CSMD1: variants seen among roughly 807,000 people sequenced by gnomAD.
CSMD1 encodes CUB and sushi domain-containing protein 1.
A neutral mutation model predicts 417.5 loss-of-function variants in CSMD1; 213 were observed. That is an observed-to-expected ratio of 0.51 (90% CI 0.46 to 0.57). The LOEUF (loss-of-function observed/expected upper bound fraction) is 0.57, where lower values mean the gene tolerates loss of function less well. Ranked by LOEUF, CSMD1 falls within the 20% of genes least tolerant of loss-of-function variation. The probability of loss-of-function intolerance (pLI) is 0.00; values close to 1 mark genes in which losing one functional copy is unlikely to be tolerated. For missense variants in CSMD1, 6,923 were observed against 4,529.7 expected, an observed-to-expected ratio of 1.53 and a Z score of -15.17; for synonymous variants, 2,862 against 1,736.8, an observed-to-expected ratio of 1.65 and a Z score of -16.11.
chr8:3,053,997 T>C (rs761547385), intron 49 of CSMD1, among the ~76,000 whole-genome samples: 19 of 152,164 alleles, frequency 1.2e-4, no homozygotes, highest in Non-Finnish European at 2.8e-4. Context: ...AAGAAATGTA[T>C]ATAAACACAT....
At chr8:4,160,168 G>C (rs888860732) in intron 3 of CSMD1, among the ~76,000 whole-genome samples, 1 of 151,722 alleles carries the variant, frequency 6.6e-6, no homozygotes, top group Non-Finnish European at 1.5e-5. Context: ...ATGATTTACT[G>C]ACTAAGACTT....
intron 2 of CSMD1, among the ~76,000 whole-genome samples, chr8:4,527,061 G>A (rs898146728): frequency 3.2e-4 from 49 of 152,220 alleles, no homozygotes; most frequent in African/African-American, 1.0e-3. Flanking sequence ...TTCTTTGTGT[G>A]TCTGGATCCA....
At chr8:3,821,153 G>A (rs964373590) in intron 5 of CSMD1, among the ~76,000 whole-genome samples, 6 of 152,026 alleles carry the variant, frequency 3.9e-5, no homozygotes, top group East Asian at 3.9e-4. Flanking sequence ...CCTGACCTCA[G>A]GTGATCCACC....
At chr8:4,967,840 T>A (rs886485797) in intron 1 of CSMD1, among the ~76,000 whole-genome samples, 1 of 152,158 alleles carries the variant, frequency 6.6e-6, no homozygotes, top group South Asian at 2.1e-4. Context: ...TTGTAACAGT[T>A]GAGATGACAA....
chr8:3,270,391 A>C (rs889431962), intron 26 of CSMD1, among the ~76,000 whole-genome samples: 3 of 152,108 alleles, frequency 2.0e-5, no homozygotes, highest in Non-Finnish European at 4.4e-5. Flanking sequence ...TTGCTGCCTC[A>C]AGATTATTTT....
At chr8:4,552,326 C>T (rs1250295749) in intron 2 of CSMD1, among the ~76,000 whole-genome samples, 1 of 152,100 alleles carries the variant, frequency 6.6e-6, no homozygotes, top group Admixed American at 6.6e-5. Flanking sequence ...ACACTCAAAT[C>T]TCACATTCTT....
chr8:4,800,571 C>T (rs1004943549), intron 1 of CSMD1, among the ~76,000 whole-genome samples: 2 of 152,150 alleles, frequency 1.3e-5, no homozygotes, highest in Non-Finnish European at 2.9e-5. Flanking sequence ...AGACCTCAGA[C>T]CGTCAGAGGC....
chr8:3,400,332 T>A (rs556313487), intron 15 of CSMD1, among the ~76,000 whole-genome samples: 1 of 152,174 alleles, frequency 6.6e-6, no homozygotes, highest in Non-Finnish European at 1.5e-5. Flanking sequence ...GATTTATAGA[T>A]ATCAAATAAA....
intron 5 of CSMD1, among the ~76,000 whole-genome samples, chr8:3,931,480 T>A (rs543230498): frequency 6.7e-6 from 1 of 150,230 alleles, no homozygotes; most frequent in African/African-American, 2.5e-5. Flanking sequence ...GATTGGAGCA[T>A]TTTTAAAAGG....
At chr8:4,923,160 A>G (rs987155369) in intron 1 of CSMD1, among the ~76,000 whole-genome samples, 1 of 152,198 alleles carries the variant, frequency 6.6e-6, no homozygotes, top group Non-Finnish European at 1.5e-5. Context: ...TAATACCATC[A>G]ATTTTTCAGT....
chr8:4,668,507 T>A (rs1220077791), intron 1 of CSMD1, among the ~76,000 whole-genome samples: 1 of 150,570 alleles, frequency 6.6e-6, no homozygotes, highest in Non-Finnish European at 1.5e-5. Context: ...TGGAGTGCAG[T>A]GGCACGATCT....
At chr8:3,675,245 T>A (rs150696359) in intron 7 of CSMD1, among the ~76,000 whole-genome samples, 1 of 152,170 alleles carries the variant, frequency 6.6e-6, no homozygotes, top group African/African-American at 2.4e-5. Context: ...TTGGTCTTCA[T>A]TGACCTGGCT....
chr8:3,226,533 G>C (rs942663783), intron 27 of CSMD1, among the ~76,000 whole-genome samples: 1 of 140,538 alleles, frequency 7.1e-6, no homozygotes, highest in South Asian at 2.2e-4. Flanking sequence ...AGTGAGCTGA[G>C]ATCACACCAC....
chr8:3,781,678 A>G (rs183253209), intron 5 of CSMD1, among the ~76,000 whole-genome samples: 204 of 152,298 alleles, frequency 1.3e-3, no homozygotes, highest in African/African-American at 4.5e-3. Flanking sequence ...CTAGGTTTCC[A>G]TCCTGGACTC....
intron 1 of CSMD1, among the ~76,000 whole-genome samples, chr8:4,731,917 A>G (rs1029776697): frequency 6.6e-6 from 1 of 152,162 alleles, no homozygotes; most frequent in Non-Finnish European, 1.5e-5. Context: ...ATAGGGCCAA[A>G]GATAAAAATA....
At chr8:3,744,337 G>A (rs963733611) in intron 6 of CSMD1, among the ~76,000 whole-genome samples, 1 of 152,106 alleles carries the variant, frequency 6.6e-6, no homozygotes, top group Non-Finnish European at 1.5e-5. Flanking sequence ...GTGATACCCT[G>A]TGGGCTTCCA....
At chr8:3,750,653 GT>G (rs1299678109) in intron 6 of CSMD1, among the ~76,000 whole-genome samples, 1 of 152,104 alleles carries the variant, frequency 6.6e-6, no homozygotes, top group East Asian at 1.9e-4. Flanking sequence ...CTGAACAAAT[GT>G]TTTCCCTGCT....
rs1208280445 is a variant in CSMD1, at chr8:4,294,166, G to T, written c.415+125787C>A. On this transcript the variant is annotated intron_variant, in intron 3 of 69. Coordinates refer to ENST00000635120, the MANE Select transcript of CSMD1 (RefSeq NM_033225.6). ...TAACCCCGACCAGCAGCCACTGTAA[G>T]ATGCCATCAGCAGCAACTACACCCC... 2.0e-5 allele frequency among the ~76,000 whole-genome samples: 3 copies of T among 152,286 alleles called. No individual in the cohort carries two copies. In the East Asian group the frequency reaches 5.8e-4, roughly 29 times the overall value.
intron 1 of CSMD1, among the ~76,000 whole-genome samples, chr8:4,857,558 G>A (rs183707380): frequency 3.3e-5 from 5 of 152,160 alleles, no homozygotes; most frequent in Non-Finnish European, 4.4e-5. Flanking sequence ...TCAAATAGAC[G>A]CAGTAATAAA....
Sources: allele counts gnomAD v4.1 joint callset (sites outside exome capture counted in the v4.1 genomes callset), GRCh38; gene constraint gnomAD v4.1.1; transcripts MANE v1.5; gene names NCBI Gene and HGNC (gene_info 2026-07-23, HGNC 2026-07-21).